ZMYM4: variants seen among roughly 807,000 people sequenced by gnomAD.
ZMYM4 encodes zinc finger MYM-type containing 4.
ZMYM4 carries 31 observed loss-of-function variants against 183.2 expected under a neutral mutation model. The observed-to-expected ratio is 0.17, with a 90% CI of 0.13 to 0.23. The LOEUF (loss-of-function observed/expected upper bound fraction) is 0.23. ZMYM4 is among the 10% of genes least tolerant of loss of function. The pLI, the probability that ZMYM4 is intolerant of heterozygous loss-of-function variation, is 1.00. For missense variants in ZMYM4, 1,273 were observed against 1,840.3 expected (o/e 0.69, Z 5.64); for synonymous variants, 592 against 631.2 (o/e 0.94, Z 0.93).
At chr1:35,303,475 G>A (rs562033319) in intron 1 of ZMYM4, among the ~76,000 whole-genome samples, 2 of 151,940 alleles carry the variant, frequency 1.3e-5, no homozygotes, top group East Asian at 1.9e-4. Flanking sequence ...GCACAATATC[G>A]GCTCACTGCA....
chr1:35,287,133 T>G (rs138343507), intron 1 of ZMYM4, among the ~76,000 whole-genome samples: 47 of 152,132 alleles, frequency 3.1e-4, no homozygotes, highest in African/African-American at 9.9e-4. Context: ...TCCTCTTGAA[T>G]TGCTCTTTTT....
chr1:35,291,239 T>C (rs1252812618), intron 1 of ZMYM4, among the ~76,000 whole-genome samples: 1 of 152,200 alleles, frequency 6.6e-6, no homozygotes, highest in African/African-American at 2.4e-5. Context: ...ACATCCTTTA[T>C]TAATGTTTTG....
At chr1:35,381,464 G>A (rs1281466135) in intron 8 of ZMYM4, 31 bp downstream of exon 8, 1 of 1,605,064 alleles carries the variant, frequency 6.2e-7, no homozygotes, top group African/African-American at 1.3e-5. Context: ...ATTGGGGCAG[G>A]AGTCTAATAC....
chr1:35,273,947 C>T lies in ZMYM4; in HGVS notation c.39+4862C>T, dbSNP rs191642235. Among the ~76,000 whole-genome samples the T allele has an allele frequency of 3.3e-5, 5 of 152,256 alleles. No homozygotes were observed. The East Asian group carries it at 9.6e-4, about 29-fold the overall frequency. On this transcript the variant is annotated intron_variant, in intron 1 of 29. Coordinates refer to ENST00000314607, the MANE Select transcript of ZMYM4 (RefSeq NM_005095.3). ...TGTGAAAATTGAACACACATATAGACAGTAGAAAATACGAACAAATGAAAG... is the reference window on the plus strand; with the variant it reads ...TGTGAAAATTGAACACACATATAGATAGTAGAAAATACGAACAAATGAAAG...
chr1:35,394,902 C>T (rs1016448882), intron 18 of ZMYM4, among the ~76,000 whole-genome samples: 2 of 151,962 alleles, frequency 1.3e-5, no homozygotes, highest in Non-Finnish European at 2.9e-5. Flanking sequence ...TCACTTGAGC[C>T]CAAGAGTTCA....
In ZMYM4 at chr1:35,385,448, G is replaced by C. The variant is rs1334687051; in HGVS notation, c.1576G>C (p.Ala526Pro). The C allele has an allele frequency of 6.2e-7, 1 of 1,603,290 alleles. No homozygotes were observed. The highest frequency in any genetic ancestry group is 8.5e-7 in the Non-Finnish European group (1 of 1,177,432). Residue 526 changes from alanine to proline, a missense_variant, in exon 10 of 30, where the codon GCC (alanine) becomes CCC (proline). Physicochemically the swap from Ala to Pro is conservative, Grantham distance 27 (BLOSUM62 -1). Coordinates refer to ENST00000314607, the MANE Select transcript of ZMYM4 (RefSeq NM_005095.3). ...TGTTTTATTCTCTTAATAGAAATCA[G>C]CCAAAATTACACCGTGTGCGCTTTG... is the stretch of plus-strand genomic sequence containing the variant. ...SCITAYKQKS[A>P]KITPCALCKS...
At chr1:35,276,068 A>G (rs1639857210) in intron 1 of ZMYM4, among the ~76,000 whole-genome samples, 1 of 152,154 alleles carries the variant, frequency 6.6e-6, no homozygotes, top group South Asian at 2.1e-4. Flanking sequence ...CAGCGTATAG[A>G]ACCCAGCACT....
chr1:35,271,387 T>TA (rs1639596697), intron 1 of ZMYM4, among the ~76,000 whole-genome samples: 1 of 151,360 alleles, frequency 6.6e-6, no homozygotes, highest in South Asian at 2.1e-4. Flanking sequence ...ACCATACTGG[T>TA]AGCAGTAAAA....
chr1:35,336,745 T>C (rs1264220395), intron 2 of ZMYM4, among the ~76,000 whole-genome samples: 1 of 152,130 alleles, frequency 6.6e-6, no homozygotes, highest in Non-Finnish European at 1.5e-5. Flanking sequence ...TTCAGTTGTT[T>C]ATGTAATACA....
intron 29 of ZMYM4, 45 bp downstream of exon 29, chr1:35,418,617 A>G: frequency 6.2e-7 from 1 of 1,602,938 alleles, no homozygotes; most frequent in African/African-American, 1.3e-5. Flanking sequence ...GAAGGCAGTT[A>G]ACATATTTTG....
chr1:35,405,796 A>G (rs1644992744), intron 25 of ZMYM4, among the ~76,000 whole-genome samples: 1 of 151,722 alleles, frequency 6.6e-6, no homozygotes, highest in African/African-American at 2.4e-5. Context: ...AAATACCTGG[A>G]AAAGCCTTGC....
Position 35,293,917 on chromosome 1 carries a change from C to T in ZMYM4, c.39+24832C>T, listed in dbSNP as rs143939346. ...CTGTAATCCCAGCACTTTGGGAGCA[C>T]GAGGTCAGGAGATCGAGACCATCCT... On this transcript the variant is annotated intron_variant, in intron 1 of 29. Coordinates refer to ENST00000314607, the MANE Select transcript of ZMYM4 (RefSeq NM_005095.3). 1.3e-4 allele frequency among the ~76,000 whole-genome samples: 20 copies of T among 152,016 alleles called. 2 individuals carry two copies. The highest frequency in any genetic ancestry group is 3.1e-4 in the African/African-American group (13 of 41,508).
chr1:35,286,661 T>G (rs938323355), intron 1 of ZMYM4, among the ~76,000 whole-genome samples: 1 of 149,962 alleles, frequency 6.7e-6, no homozygotes, highest in Non-Finnish European at 1.5e-5. Flanking sequence ...TGCAGTGGCA[T>G]GATCACGGCT....
chr1:35,316,587 C>T (rs1318606963), intron 1 of ZMYM4, among the ~76,000 whole-genome samples: 2 of 152,186 alleles, frequency 1.3e-5, no homozygotes, highest in African/African-American at 4.8e-5. Context: ...TTAGTTCATA[C>T]ACAGACAGCA....
At chr1:35,291,634 CTTTTTTT>C (rs1296107892) in intron 1 of ZMYM4, among the ~76,000 whole-genome samples, 8 of 129,338 alleles carry the variant, frequency 6.2e-5, no homozygotes, top group Non-Finnish European at 8.3e-5. Context: ...GTGATTGTTA[CTTTTTTT>C]TTTTTTTTTT....
At chr1:35,320,561 C>A (rs1317639827) in intron 1 of ZMYM4, among the ~76,000 whole-genome samples, 3 of 152,152 alleles carry the variant, frequency 2.0e-5, no homozygotes, top group Non-Finnish European at 4.4e-5. Context: ...GGGGGTTGCG[C>A]ACACCCCAAG....
At chr1:35,347,516 T>A (rs1643440799) in intron 2 of ZMYM4, among the ~76,000 whole-genome samples, 2 of 152,142 alleles carry the variant, frequency 1.3e-5, no homozygotes, top group Admixed American at 1.3e-4. Flanking sequence ...TAACATTGCT[T>A]TCTTTTTTTT....
chr1:35,377,576 A>AT (rs1229509326), intron 7 of ZMYM4, among the ~76,000 whole-genome samples: 2 of 152,228 alleles, frequency 1.3e-5, no homozygotes, highest in African/African-American at 4.8e-5. Flanking sequence ...AGTGATATTA[A>AT]TTTTTTGGCT....
intron 13 of ZMYM4, 24 bp downstream of exon 13, chr1:35,387,628 C>G: frequency 6.3e-7 from 1 of 1,586,690 alleles, no homozygotes; most frequent in Non-Finnish European, 8.5e-7. Context: ...ATTATCTTAC[C>G]TACTGAGCAT....
Sources: gnomAD v4.1 joint callset for allele counts (sites outside exome capture counted in the v4.1 genomes callset) on GRCh38, gnomAD v4.1.1 for gene constraint, MANE v1.5 for transcripts, NCBI Gene and HGNC (gene_info 2026-07-23, HGNC 2026-07-21) for gene names.